CUBN: variants seen among roughly 807,000 people sequenced by gnomAD.
CUBN encodes the protein cubilin, also known as 460 kDa receptor.
CUBN carries 282 observed loss-of-function variants against 405.3 expected under a neutral mutation model. The ratio of observed to expected loss-of-function variants is 0.70; its 90% CI spans 0.63 to 0.77. The LOEUF is 0.77. Ranked by LOEUF, CUBN falls within the 30% of genes least tolerant of loss-of-function variation. CUBN has a pLI of 0.00. For synonymous variants in CUBN, 1,684 were observed against 1,617.0 expected (o/e 1.04, Z -0.99); for missense variants, 4,514 against 4,475.2 (o/e 1.01, Z -0.25).
At chr10:16,877,551 C>T (rs954499250) in intron 56 of CUBN, among the ~76,000 whole-genome samples, 5 of 152,144 alleles carry the variant, frequency 3.3e-5, no homozygotes, top group Non-Finnish European at 5.9e-5. Context: ...AACTACCTAG[C>T]CCAACATGTC....
chr10:17,051,163 C>T (rs1426636086), intron 22 of CUBN, among the ~76,000 whole-genome samples: 1 of 151,860 alleles, frequency 6.6e-6, no homozygotes, highest in African/African-American at 2.4e-5. Flanking sequence ...AGATCAAGAC[C>T]ATCCTGGCCA....
intron 17 of CUBN, among the ~76,000 whole-genome samples, chr10:17,081,904 A>G (rs1835978668): frequency 6.6e-6 from 1 of 152,200 alleles, no homozygotes; most frequent in Non-Finnish European, 1.5e-5. Flanking sequence ...AAGATATAAT[A>G]TAAAAATCTA....
chr10:16,829,443 T>C (rs961178680), intron 65 of CUBN, among the ~76,000 whole-genome samples: 3 of 150,964 alleles, frequency 2.0e-5, no homozygotes, highest in Non-Finnish European at 4.4e-5. Context: ...ATGCCCAGAG[T>C]TGACGCCAGT....
intron 60 of CUBN, among the ~76,000 whole-genome samples, chr10:16,847,777 A>T (rs1839563307): frequency 6.6e-6 from 1 of 152,220 alleles, no homozygotes; most frequent in African/African-American, 2.4e-5. Context: ...ACCCTTTCAC[A>T]AACGATCATG....
At chr10:17,016,501 T>G (rs1480653360) in intron 28 of CUBN, among the ~76,000 whole-genome samples, 1 of 152,182 alleles carries the variant, frequency 6.6e-6, no homozygotes, top group African/African-American at 2.4e-5. Context: ...GCAAGATATC[T>G]CTTCAAGTGA....
At chr10:16,867,317 T>A (rs1840215699) in intron 59 of CUBN, among the ~76,000 whole-genome samples, 1 of 151,776 alleles carries the variant, frequency 6.6e-6, no homozygotes, top group Non-Finnish European at 1.5e-5. Context: ...TTTGTCTTCA[T>A]CCAAAGCTAT....
At chr10:16,907,724 C>G (rs776823561) in intron 48 of CUBN, 45 bp from the exon 49 acceptor site, 64 of 1,594,346 alleles carry the variant, frequency 4.0e-5, no homozygotes, top group Non-Finnish European at 5.1e-5. Context: ...ATCCATCTTA[C>G]TGCATATTTC....
At chr10:16,889,622 C>T (rs1332554920) in intron 55 of CUBN, among the ~76,000 whole-genome samples, 2 of 151,908 alleles carry the variant, frequency 1.3e-5, no homozygotes, top group African/African-American at 4.8e-5. Context: ...CATGCAAGAC[C>T]GGCCGGGCAC....
At chr10:16,863,974 G>C (rs1325247023) in intron 59 of CUBN, among the ~76,000 whole-genome samples, 1 of 152,192 alleles carries the variant, frequency 6.6e-6, no homozygotes, top group Admixed American at 6.5e-5. Context: ...GAAGATGAAA[G>C]TGATTCAATT....
intron 32 of CUBN, 144 bp from the exon 33 acceptor site, chr10:16,952,533 G>A: frequency 1.5e-6 from 1 of 664,032 alleles, no homozygotes; most frequent in Non-Finnish European, 2.8e-6. Context: ...CATAAGGAGA[G>A]CTGTACATAA....
intron 60 of CUBN, among the ~76,000 whole-genome samples, chr10:16,846,135 C>A (rs1005903059): frequency 3.9e-5 from 6 of 152,130 alleles, no homozygotes; most frequent in African/African-American, 1.4e-4. Flanking sequence ...TCCAGAAATG[C>A]AATTATTGTG....
intron 36 of CUBN, among the ~76,000 whole-genome samples, chr10:16,942,803 G>A (rs1412135470): frequency 6.9e-6 from 1 of 145,466 alleles, no homozygotes; most frequent in East Asian, 2.1e-4. Flanking sequence ...GGAAGGGAAG[G>A]GAAAAGGAAG....
intron 28 of CUBN, among the ~76,000 whole-genome samples, chr10:17,019,126 GACC>G (rs1834424873): frequency 6.6e-6 from 1 of 152,126 alleles, no homozygotes; most frequent in Non-Finnish European, 1.5e-5. Context: ...GCTCTCTAGG[GACC>G]ACATTTTGGG....
chr10:16,890,329 C>A (rs199759091), intron 55 of CUBN, 42 bp downstream of exon 55: 1 of 1,609,380 alleles, frequency 6.2e-7, no homozygotes, highest in Non-Finnish European at 8.5e-7. Flanking sequence ...GACAACCACA[C>A]TCCCGCAAAG....
intron 22 of CUBN, among the ~76,000 whole-genome samples, chr10:17,064,424 G>A (rs1276285487): frequency 6.6e-6 from 1 of 152,170 alleles, no homozygotes; most frequent in Non-Finnish European, 1.5e-5. Flanking sequence ...GGGTTCTCAG[G>A]ATGCCAGAGT....
intron 17 of CUBN, among the ~76,000 whole-genome samples, chr10:17,076,944 G>C (rs72775022): frequency 0.023 from 3,524 of 152,284 alleles, 69 homozygotes; most frequent in Non-Finnish European, 0.031. Context: ...TTTTCTGGTT[G>C]TTGCTACTAA....
intron 48 of CUBN, among the ~76,000 whole-genome samples, chr10:16,909,599 C>T (rs778810826): frequency 3.9e-5 from 6 of 152,302 alleles, no homozygotes; most frequent in South Asian, 2.1e-4. Flanking sequence ...TGGGACATGT[C>T]GGAAACTGTG....
At chr10:17,129,005 A>G (rs1360366767) in intron 2 of CUBN, 116 bp downstream of exon 2, 10 of 774,210 alleles carry the variant, frequency 1.3e-5, no homozygotes, top group Non-Finnish European at 2.0e-5. Context: ...CAAATTATGT[A>G]TTAATAAAAA....
intron 21 of CUBN, among the ~76,000 whole-genome samples, chr10:17,065,928 C>T (rs1588620722): frequency 1.3e-5 from 2 of 152,054 alleles, no homozygotes; most frequent in African/African-American, 4.8e-5. Flanking sequence ...CATATTAATA[C>T]ACTTTTTAAT....
Sources: gnomAD v4.1 joint callset for allele counts (sites outside exome capture counted in the v4.1 genomes callset) on GRCh38, gnomAD v4.1.1 for gene constraint, MANE v1.5 for transcripts, NCBI Gene and HGNC (gene_info 2026-07-23, HGNC 2026-07-21) for gene names.